Variants in ATP8A2 observed in about 807,000 individuals in gnomAD.
ATP8A2 encodes phospholipid-transporting ATPase IB.
Under a neutral mutation model 165.6 loss-of-function variants are expected in ATP8A2, and 100 were observed. The ratio of observed to expected loss-of-function variants is 0.60; its 90% CI spans 0.51 to 0.71. The LOEUF is 0.71. Among genes scored for constraint, ATP8A2 ranks in the 30% least tolerant of loss-of-function variants. The pLI, the probability that ATP8A2 is intolerant of heterozygous loss-of-function variation, is 0.00. For synonymous variants in ATP8A2, 543 were observed against 548.8 expected, an observed-to-expected ratio of 0.99 and a Z score of 0.15; for missense variants, 1,227 against 1,479.5, an observed-to-expected ratio of 0.83 and a Z score of 2.80.
Position 25,530,942 on chromosome 13 carries a change from A to G in ATP8A2, c.420+282A>G, listed in dbSNP as rs1196664582. 3.9e-5 allele frequency among the ~76,000 whole-genome samples: 6 copies of G among 152,010 alleles called. No individual in the cohort carries two copies. In the East Asian group the frequency reaches 1.2e-3, roughly 29 times the overall value. On this transcript the variant is annotated intron_variant, in intron 4 of 36. Transcript: ENST00000381655. ...CTTATAGCCTGCTTTAGAGCTTGCT[A>G]ATTTGGGCAGCAAATGAAAGATTGC...
chr13:25,642,918 A>G (rs1366699034), intron 24 of ATP8A2, among the ~76,000 whole-genome samples: 1 of 152,238 alleles, frequency 6.6e-6, no homozygotes, highest in Non-Finnish European at 1.5e-5. Context: ...TTGTAGGGAC[A>G]TGGATGAAGC....
chr13:25,975,572 A>C (rs891724259), intron 35 of ATP8A2, among the ~76,000 whole-genome samples: 1 of 147,672 alleles, frequency 6.8e-6, no homozygotes, highest in Non-Finnish European at 1.5e-5. Context: ...ACAGAGTGAG[A>C]CTCCATCTCG....
chr13:25,576,451 A>G (rs1440222207), intron 19 of ATP8A2, among the ~76,000 whole-genome samples: 1 of 152,092 alleles, frequency 6.6e-6, no homozygotes, highest in Non-Finnish European at 1.5e-5. Flanking sequence ...GTGAGGCTGC[A>G]CAGGTGGACG....
At chr13:25,538,414 G>A (rs1237060424) in intron 7 of ATP8A2, among the ~76,000 whole-genome samples, 2 of 152,112 alleles carry the variant, frequency 1.3e-5, no homozygotes, top group South Asian at 2.1e-4. Context: ...TTCCTGATGG[G>A]CCCTGCCAGC....
chr13:25,905,890 G>A (rs1055248265), intron 33 of ATP8A2, among the ~76,000 whole-genome samples: 13 of 152,134 alleles, frequency 8.5e-5, no homozygotes, highest in Admixed American at 4.6e-4. Flanking sequence ...CTGAGGCCAC[G>A]GAAACATTCC....
intron 33 of ATP8A2, among the ~76,000 whole-genome samples, chr13:25,946,647 A>G (rs1955221513): frequency 1.3e-5 from 2 of 152,234 alleles, no homozygotes; most frequent in Admixed American, 1.3e-4. Context: ...CCGAGTATGT[A>G]TCCTGTGGCA....
chr13:25,645,427 C>A (rs996417425), intron 24 of ATP8A2, among the ~76,000 whole-genome samples: 2 of 152,166 alleles, frequency 1.3e-5, no homozygotes, highest in Non-Finnish European at 2.9e-5. Context: ...ATGCTCTGAT[C>A]TTAATTATTT....
chr13:25,380,804 G>A (rs182091459), intron 1 of ATP8A2, among the ~76,000 whole-genome samples: 2 of 152,276 alleles, frequency 1.3e-5, no homozygotes, highest in African/African-American at 4.8e-5. Flanking sequence ...GTCATGAAAG[G>A]TGAAGTTCCA....
chr13:25,840,196 C>T (rs998834480), intron 30 of ATP8A2, among the ~76,000 whole-genome samples: 1 of 152,156 alleles, frequency 6.6e-6, no homozygotes, highest in Non-Finnish European at 1.5e-5. Context: ...TTTCACACTT[C>T]TTAACACATC....
chr13:25,593,277 C>T (rs1210450452), intron 24 of ATP8A2, among the ~76,000 whole-genome samples: 1 of 152,214 alleles, frequency 6.6e-6, no homozygotes, highest in Middle Eastern at 3.4e-3. Context: ...AAGCATTTGG[C>T]CTGGCTTCTC....
intron 27 of ATP8A2, among the ~76,000 whole-genome samples, chr13:25,817,585 G>T (rs1369193687): frequency 6.6e-6 from 1 of 152,152 alleles, no homozygotes; most frequent in Non-Finnish European, 1.5e-5. Flanking sequence ...AGTAAAAAAT[G>T]TATGTGTGTA....
chr13:25,991,606 T>C (rs1956395518), intron 35 of ATP8A2, among the ~76,000 whole-genome samples: 1 of 152,248 alleles, frequency 6.6e-6, no homozygotes, highest in East Asian at 1.9e-4. Context: ...CGTGTAACCT[T>C]TTGTTAGTGA....
chr13:25,964,278 A>G (rs897864408), intron 34 of ATP8A2, among the ~76,000 whole-genome samples: 1 of 152,238 alleles, frequency 6.6e-6, no homozygotes, highest in Non-Finnish European at 1.5e-5. Context: ...TCCGAAGCAC[A>G]TATATGCTCA....
chr13:25,574,197 A>T (rs1328048680), intron 18 of ATP8A2, among the ~76,000 whole-genome samples: 1 of 152,214 alleles, frequency 6.6e-6, no homozygotes, highest in Non-Finnish European at 1.5e-5. Flanking sequence ...AACCCAAAGA[A>T]AAAGAGCGTT....
At chr13:25,740,187 T>C (rs1406410282) in intron 25 of ATP8A2, among the ~76,000 whole-genome samples, 2 of 151,676 alleles carry the variant, frequency 1.3e-5, no homozygotes, top group Non-Finnish European at 2.9e-5. Flanking sequence ...TGGGCGCCTG[T>C]AGTCCCAGCT....
At chr13:25,466,263 T>G (rs1014522317) in intron 1 of ATP8A2, among the ~76,000 whole-genome samples, 1 of 152,176 alleles carries the variant, frequency 6.6e-6, no homozygotes, top group Non-Finnish European at 1.5e-5. Flanking sequence ...GATTTGTTTT[T>G]TTTAGTTGGC....
At chr13:25,442,309 A>G (rs1326239022) in intron 1 of ATP8A2, among the ~76,000 whole-genome samples, 1 of 152,158 alleles carries the variant, frequency 6.6e-6, no homozygotes, top group Non-Finnish European at 1.5e-5. Flanking sequence ...TTAATTTTTT[A>G]AGGAACTGCC....
At chr13:25,465,535 A>G (rs1351566052) in intron 1 of ATP8A2, among the ~76,000 whole-genome samples, 1 of 145,112 alleles carries the variant, frequency 6.9e-6, no homozygotes, top group East Asian at 2.1e-4. Flanking sequence ...TGGAAAAGTT[A>G]TTGTTCCTGT....
intron 35 of ATP8A2, among the ~76,000 whole-genome samples, chr13:25,975,875 T>C (rs1323340672): frequency 6.6e-6 from 1 of 152,202 alleles, no homozygotes; most frequent in Non-Finnish European, 1.5e-5. Context: ...TTATTAAATG[T>C]AGAACTCCAG....
Sources: gnomAD v4.1 joint callset for allele counts (sites outside exome capture counted in the v4.1 genomes callset) on GRCh38, gnomAD v4.1.1 for gene constraint, MANE v1.5 for transcripts, NCBI Gene and HGNC (gene_info 2026-07-23, HGNC 2026-07-21) for gene names.